ITPKC: variants seen among roughly 807,000 people sequenced by gnomAD.
ITPKC encodes the protein inositol-trisphosphate 3-kinase C, also known as IP3 3-kinase C.
ITPKC carries 33 observed loss-of-function variants against 67.1 expected under a neutral mutation model. The ratio of observed to expected loss-of-function variants is 0.49; its 90% CI spans 0.37 to 0.66. The LOEUF is 0.66. ITPKC is among the 30% of genes least tolerant of loss of function. The pLI, the probability that ITPKC is intolerant of heterozygous loss-of-function variation, is 0.00. For missense variants in ITPKC, 820 were observed against 892.1 expected (o/e 0.92, Z 1.03); for synonymous variants, 341 against 359.8 (o/e 0.95, Z 0.59).
At chr19:40,735,607 T>C (rs2082290917) in intron 4 of ITPKC, among the ~76,000 whole-genome samples, 1 of 152,160 alleles carries the variant, frequency 6.6e-6, no homozygotes, top group African/African-American at 2.4e-5. Context: ...TCTGTTCTAC[T>C]GATCAGGGTC....
chr19:40,738,416 G>C (rs990797266), intron 6 of ITPKC, among the ~76,000 whole-genome samples: 9 of 152,072 alleles, frequency 5.9e-5, no homozygotes, highest in African/African-American at 2.2e-4. Context: ...GCAACAGAGT[G>C]AGACTCTGTC....
intron 2 of ITPKC, among the ~76,000 whole-genome samples, chr19:40,727,025 G>A (rs563852422): frequency 2.7e-4 from 41 of 152,248 alleles, no homozygotes; most frequent in African/African-American, 7.5e-4. Context: ...CTAGATGACC[G>A]AGTGAGACCC....
chr19:40,733,282 C>T lies in ITPKC; in HGVS notation c.1592C>T (p.Ala531Val). 1 of 1,614,028 alleles carries T rather than the reference C, an allele frequency of 6.2e-7. No homozygotes were observed. Among genetic ancestry groups the T allele is most frequent in the Non-Finnish European group, 8.5e-7 (1 of 1,179,950 alleles). ...ACCCCTGAGGAGCATGCCCAGGGTG[C>T]AGTCACCAAGCCCCGCTACATGCAG... The part of the protein sequence containing the change: ...APTPEEHAQG[A>V]VTKPRYMQWR... Residue 531 changes from alanine to valine, a missense_variant, in exon 4 of 7, where the codon GCA (alanine) becomes GTA (valine). By Grantham distance (64) the Ala-to-Val change is moderately conservative (BLOSUM62 0). Transcript: ENST00000263370.
intron 2 of ITPKC, 103 bp from the exon 3 acceptor site, chr19:40,729,099 G>T (rs1040287848): frequency 1.2e-6 from 1 of 840,896 alleles, no homozygotes; most frequent in African/African-American, 1.7e-5. Flanking sequence ...CAGGAGGGTC[G>T]GGCAAGATAA....
rs1165348184 is a variant in ITPKC at position 40,717,380 on chromosome 19, CAGAG to C, written c.248_251del (p.Glu83ValfsTer21). ...GCCGGCCTCGGGCCTGCGCCGGGGA[CAGAG>C]AGTCCGCAGGCAGAATTCTGGACAG... On this transcript the variant is annotated frameshift_variant, in exon 1 of 7. Transcript: ENST00000263370. LOFTEE classifies it high-confidence loss of function. 2 of 1,612,940 alleles carry C rather than the reference CAGAG, an allele frequency of 1.2e-6. No individual in the cohort carries two copies. The highest frequency in any genetic ancestry group is 1.7e-6 in the Non-Finnish European group (2 of 1,179,892).
At chr19:40,725,197 A>C in intron 1 of ITPKC, 143 bp from the exon 2 acceptor site, 1 of 633,468 alleles carries the variant, frequency 1.6e-6, no homozygotes, top group South Asian at 1.9e-5. Flanking sequence ...CACTCACCCC[A>C]ACAAGCCTGG....
chr19:40,737,450 C>G (rs1434026384), intron 5 of ITPKC, among the ~76,000 whole-genome samples: 1 of 152,198 alleles, frequency 6.6e-6, no homozygotes, highest in Non-Finnish European at 1.5e-5. Flanking sequence ...CAGCCTGGAT[C>G]GAGGGGTCTG....
intron 2 of ITPKC, among the ~76,000 whole-genome samples, chr19:40,725,941 T>TAA (rs879347180): frequency 2.1e-5 from 3 of 142,930 alleles, no homozygotes; most frequent in African/African-American, 7.7e-5. Context: ...CCGTTTCAAT[T>TAA]AAAAAAAAAA....
chr19:40,717,411 CGGACAGACTGAGCCCGCG>C lies in ITPKC; in HGVS notation c.278_295del (p.Gly93_Ala98del). The C allele has an allele frequency of 6.2e-7, 1 of 1,613,722 alleles. No homozygotes were observed. The highest frequency in any genetic ancestry group is 8.5e-7 in the Non-Finnish European group (1 of 1,179,966). The stretch of plus-strand genomic sequence containing the variant: ...GTCCGCAGGCAGAATTCTGGACAGA[CGGACAGACTGAGCCCGCG>C]GCAGCTGGCCTTGGAGTAGAGACCG... On this transcript the variant is annotated inframe_deletion, in exon 1 of 7. Transcript: ENST00000263370.
At chr19:40,725,526 GTGA>G (rs2082242791) in intron 2 of ITPKC, 87 bp downstream of exon 2, 5 of 920,886 alleles carry the variant, frequency 5.4e-6, no homozygotes, top group Non-Finnish European at 9.0e-6. Flanking sequence ...CCCCCACCTA[GTGA>G]TGGGCTTGGT....
At chr19:40,729,127 T>A in intron 2 of ITPKC, 75 bp from the exon 3 acceptor site, 1 of 1,183,460 alleles carries the variant, frequency 8.4e-7, no homozygotes, top group South Asian at 1.2e-5. Flanking sequence ...CAGGATCTGA[T>A]GCAAACAGGC....
intron 1 of ITPKC, among the ~76,000 whole-genome samples, chr19:40,720,316 G>A (rs976296582): frequency 1.7e-4 from 26 of 151,340 alleles, no homozygotes; most frequent in African/African-American, 6.1e-4. Flanking sequence ...GCAGTGAGCC[G>A]AGATTGCACC....
At chr19:40,735,198 C>T (rs575822100) in intron 4 of ITPKC, among the ~76,000 whole-genome samples, 31 of 152,302 alleles carry the variant, frequency 2.0e-4, no homozygotes, top group Non-Finnish European at 3.5e-4. Flanking sequence ...GGATTATAGG[C>T]GTGAGCCACC....
At chr19:40,720,600 C>T (rs1030691104) in intron 1 of ITPKC, among the ~76,000 whole-genome samples, 1 of 151,992 alleles carries the variant, frequency 6.6e-6, no homozygotes, top group Non-Finnish European at 1.5e-5. Flanking sequence ...GCCTCCATGG[C>T]CCAGCTTTGT....
At chr19:40,719,684 TTCA>T (rs924122956) in intron 1 of ITPKC, among the ~76,000 whole-genome samples, 1 of 151,990 alleles carries the variant, frequency 6.6e-6, no homozygotes, top group African/African-American at 2.4e-5. Flanking sequence ...GAGACAGGGT[TTCA>T]TCATGTTGGC....
chr19:40,719,989 A>G lies in ITPKC; in HGVS notation c.1155+1699A>G, dbSNP rs144859599. ...TGTCAATTTTTTTCTGTCATTTTTT[A>G]TCTTAAAATAGCATCTATCTTAATT... On this transcript the variant is annotated intron_variant, in intron 1 of 6. Transcript: ENST00000263370. 4.9e-3 allele frequency among the ~76,000 whole-genome samples: 693 copies of G among 140,664 alleles called. 3 individuals are homozygous for G. The highest frequency in any genetic ancestry group is 7.5e-3 in the Admixed American group (106 of 14,094). The allele number at this position is 140,664 out of a possible 152,430, so 92.3% of individuals were successfully genotyped here. A position where few individuals can be genotyped will look rare whatever the true frequency, so the allele number is the denominator to read the frequency against.
chr19:40,732,312 C>T (rs1277532308), intron 3 of ITPKC, among the ~76,000 whole-genome samples: 5 of 150,084 alleles, frequency 3.3e-5, no homozygotes, highest in African/African-American at 7.4e-5. Context: ...AGGCCGATCA[C>T]GAGGTCAGGA....
At chr19:40,737,995 A>C (rs768798908) in intron 6 of ITPKC, among the ~76,000 whole-genome samples, 1 of 148,524 alleles carries the variant, frequency 6.7e-6, no homozygotes, top group Admixed American at 6.7e-5. Context: ...CTATTTGGAA[A>C]AAAAAAAAAA....
At position 40,725,347 on chromosome 19, in the gene ITPKC, C is replaced by G. The variant is rs1327679861; in HGVS notation, c.1163C>G (p.Pro388Arg). Residue 388 changes from proline (P) to arginine (R), a missense_variant, in exon 2 of 7, where the codon CCC becomes CGC. By Grantham distance (103) the Pro-to-Arg change is moderately radical (BLOSUM62 -2). Coordinates refer to ENST00000263370, the MANE Select transcript of ITPKC (RefSeq NM_025194.3). ...CTGCTCTGCTCCCTACAGAGCAAAC[C>G]CTGGAAGAAGCTGAAGACAGTTCTG... The part of the protein sequence containing the change: ...SDPEDRSGSK[P>R]WKKLKTVLKY... 7.4e-6 allele frequency: 12 copies of G among 1,612,706 alleles called. No homozygotes were observed. Among genetic ancestry groups the G allele is most frequent in the African/African-American group, 1.3e-5 (1 of 74,902 alleles).
Sources: gnomAD v4.1 joint callset for allele counts (sites outside exome capture counted in the v4.1 genomes callset) on GRCh38, gnomAD v4.1.1 for gene constraint, MANE v1.5 for transcripts, NCBI Gene and HGNC (gene_info 2026-07-23, HGNC 2026-07-21) for gene names.